The following GRM4 variants were observed in gnomAD, a reference collection of about 807,000 sequenced individuals.
The protein encoded by GRM4 is metabotropic glutamate receptor 4.
GRM4 carries 28 observed loss-of-function variants against 81.7 expected under a neutral mutation model. The ratio of observed to expected loss-of-function variants is 0.34; its 90% CI spans 0.25 to 0.47. The LOEUF (loss-of-function observed/expected upper bound fraction) is 0.47, where lower values mean the gene tolerates loss of function less well. Ranked by LOEUF, GRM4 falls within the 20% of genes least tolerant of loss-of-function variation. The pLI is 1.00. For missense variants in GRM4, 948 were observed against 1,290.0 expected (o/e 0.73, Z 4.06); for synonymous variants, 488 against 528.8 (o/e 0.92, Z 1.06).
In GRM4 at chr6:34,042,823, C is replaced by T. The variant is rs551393241; in HGVS notation, c.1169-2075G>A. Among the ~76,000 whole-genome samples, 2 of 152,288 alleles carry T rather than the reference C, an allele frequency of 1.3e-5. No individual in the cohort carries two copies. Among genetic ancestry groups the T allele is most frequent in the African/African-American group, 4.8e-5 (2 of 41,560 alleles). On this transcript the variant is annotated intron_variant, in intron 6 of 10. Transcript: ENST00000538487. This position sits in a 1 kb window ranked among gnomAD's most constrained non-coding sequence, Gnocchi z 4.2. ...GGGATCTCACTGCCTCTCCCTGAGG[C>T]AGTACCCTCTAATCCCCTCACACCC...
rs115001800 is a variant in GRM4, at chr6:34,121,628, G to A, written c.519+11350C>T. On this transcript the variant is annotated intron_variant, in intron 2 of 10. Coordinates refer to ENST00000538487, the MANE Select transcript of GRM4 (RefSeq NM_000841.4). This position sits in a 1 kb window ranked among gnomAD's most constrained non-coding sequence, Gnocchi z 4.6. ...GGCAGCACCTTCGAGGCAGATCCCC[G>A]CTCAGGGCACCTCTGCTGGGCCAGG... Among the ~76,000 whole-genome samples the A allele has an allele frequency of 2.6e-3, 403 of 152,292 alleles. 4 individuals are homozygous for A. Among genetic ancestry groups the A allele is most frequent in the African/African-American group, 8.8e-3 (367 of 41,548 alleles).
intron 3 of GRM4, among the ~76,000 whole-genome samples, chr6:34,073,794 G>A (rs1487227576): frequency 2.0e-5 from 3 of 152,218 alleles, no homozygotes; most frequent in Admixed American, 6.5e-5. Flanking sequence ...CCTTTCCCAC[G>A]GAGGCCCTGC....
chr6:34,056,685 C>T lies in GRM4; in HGVS notation c.1028-1G>A. The stretch of plus-strand genomic sequence containing the variant: ...CGGCTGGAGAAGTAGCGGTCGAAGC[C>T]TGGCAGGGAACCAGGACGTCAGGGC... On this transcript the variant is annotated splice_acceptor_variant, in intron 5 of 10. Coordinates refer to ENST00000538487, the MANE Select transcript of GRM4 (RefSeq NM_000841.4). LOFTEE classifies it high-confidence loss of function. 6.2e-7 allele frequency: 1 copy of T among 1,612,768 alleles called. No homozygotes were observed. Among genetic ancestry groups the T allele is most frequent in the Non-Finnish European group, 8.5e-7 (1 of 1,179,368 alleles).
At chr6:34,154,702 G>T (rs1010059018) in intron 1 of GRM4, among the ~76,000 whole-genome samples, 5 of 151,974 alleles carry the variant, frequency 3.3e-5, no homozygotes, top group Non-Finnish European at 5.9e-5. Context: ...ACAGACACGT[G>T]GGGGGGAGTC....
chr6:34,025,740 C>T (rs1184190967), intron 10 of GRM4, among the ~76,000 whole-genome samples: 1 of 152,200 alleles, frequency 6.6e-6, no homozygotes, highest in African/African-American at 2.4e-5. Context: ...GGGGGAATCT[C>T]GACACCTGCC....
chr6:34,131,162 A>T (rs1770217823), intron 2 of GRM4, among the ~76,000 whole-genome samples: 1 of 152,332 alleles, frequency 6.6e-6, no homozygotes, highest in African/African-American at 2.4e-5. Flanking sequence ...GGACTGAACC[A>T]GGCTACCATT....
chr6:34,113,385 C>T (rs554060571), intron 2 of GRM4, among the ~76,000 whole-genome samples: 58 of 152,318 alleles, frequency 3.8e-4, no homozygotes, highest in Admixed American at 1.6e-3. Flanking sequence ...CTCCTGGGCT[C>T]AAGTGATTCT....
At chr6:34,030,112 T>C (rs934640646) in intron 9 of GRM4, among the ~76,000 whole-genome samples, 4 of 152,330 alleles carry the variant, frequency 2.6e-5, no homozygotes, top group East Asian at 3.9e-4. Flanking sequence ...AAACTGGGGC[T>C]GGTGGCCAGG....
At chr6:34,079,255 A>C (rs934944305) in intron 3 of GRM4, among the ~76,000 whole-genome samples, 1 of 152,094 alleles carries the variant, frequency 6.6e-6, no homozygotes, top group Non-Finnish European at 1.5e-5. Flanking sequence ...CCTTACTCTC[A>C]GAAGGCAGGC....
At chr6:34,096,270 T>C (rs1227695665) in intron 2 of GRM4, among the ~76,000 whole-genome samples, 1 of 152,122 alleles carries the variant, frequency 6.6e-6, no homozygotes, top group African/African-American at 2.4e-5. Context: ...CCCTTTCTCC[T>C]TCCTCTTTGT....
In GRM4 at chr6:34,080,089, A is replaced by G. The variant is rs1767510559; in HGVS notation, c.736+11794T>C. On this transcript the variant is annotated intron_variant, in intron 3 of 10. Coordinates refer to ENST00000538487, the MANE Select transcript of GRM4 (RefSeq NM_000841.4). This position sits in a 1 kb window ranked among gnomAD's most constrained non-coding sequence, Gnocchi z 5.4. ...GCCCCTGCCTCCTGGTTATTCTCCA[A>G]ATGCCGGGCAGGCACCACCTCAGGG... 6.6e-6 allele frequency among the ~76,000 whole-genome samples: 1 copy of G among 152,044 alleles called. No homozygotes were observed. The highest frequency in any genetic ancestry group is 2.1e-4 in the South Asian group (1 of 4,820).
At chr6:34,123,997 A>C (rs1769918907) in intron 2 of GRM4, among the ~76,000 whole-genome samples, 1 of 152,150 alleles carries the variant, frequency 6.6e-6, no homozygotes, top group Non-Finnish European at 1.5e-5. Flanking sequence ...CCAGGGGAAG[A>C]ATGAGCCTCT....
At chr6:34,037,301 A>G (rs1694870207) in intron 8 of GRM4, among the ~76,000 whole-genome samples, 1 of 152,242 alleles carries the variant, frequency 6.6e-6, no homozygotes, top group African/African-American at 2.4e-5. Flanking sequence ...GACTGTGAGC[A>G]ATAGAGCCAC....
At chr6:34,056,423 CACGTCCTGCCACGGCCGGCCG>C in intron 6 of GRM4, 100 bp downstream of exon 6, 1 of 885,048 alleles carries the variant, frequency 1.1e-6, no homozygotes, top group South Asian at 1.7e-5. Context: ...GGCCCAACTG[CACGTCCTGCCACGGCCGGCCG>C]ACGACAGACA....
chr6:34,059,144 C>A lies in GRM4; in HGVS notation c.873-16G>T, dbSNP rs747555714. On this transcript the variant is annotated splice_polypyrimidine_tract_variant and intron_variant, in intron 4 of 10. Coordinates refer to ENST00000538487, the MANE Select transcript of GRM4 (RefSeq NM_000841.4). This position sits in a 1 kb window ranked among gnomAD's most constrained non-coding sequence, Gnocchi z 5.7. ...CAGCACACGCCTGTAGGAACATACA[C>A]CAGCCCAGCCCAGCCGCGTCTGTCC... The A allele has an allele frequency of 6.2e-7, 1 of 1,611,218 alleles. No homozygotes were observed. Among genetic ancestry groups the A allele is most frequent in the Non-Finnish European group, 8.5e-7 (1 of 1,178,536 alleles).
At chr6:34,086,897 G>A (rs1767919007) in intron 3 of GRM4, among the ~76,000 whole-genome samples, 1 of 152,224 alleles carries the variant, frequency 6.6e-6, no homozygotes, top group South Asian at 2.1e-4. Flanking sequence ...CAAAGTGGGA[G>A]CATCACTTGA....
rs547039131 is a variant in GRM4, at chr6:34,136,987, T to C, written c.-363-3128A>G. On this transcript the variant is annotated intron_variant, in intron 1 of 10. Coordinates refer to ENST00000538487, the MANE Select transcript of GRM4 (RefSeq NM_000841.4). The surrounding 1 kb of genome is among the most constrained non-coding windows in gnomAD (Gnocchi z 4.1). ...GGATGCTCCCTTCCCCCGCAGGGCC[T>C]GCTTCCTTCTGCAGAGGGAAGAGCT... Among the ~76,000 whole-genome samples, 31 of 152,300 alleles carry C rather than the reference T, an allele frequency of 2.0e-4. No homozygotes were observed. Among genetic ancestry groups the C allele is most frequent in the Middle Eastern group, 3.4e-3 (1 of 294 alleles).
rs1050808544 is a variant in GRM4, at chr6:34,036,199, A to G, written c.1911T>C (p.Tyr637=). The G allele has an allele frequency of 4.3e-6, 7 of 1,614,072 alleles. No individual in the cohort carries two copies. The East Asian group carries it at 1.3e-4, about 31-fold the overall frequency. ...YVLLAGIFLC[Y]ATTFLMIAEP... ...CAGCGATCATGAGGAAGGTGGTGGC[A>G]TAGCACAGGAAGATGCCTGCCAGCA... The change falls in exon 9 of 11, where the codon TAT becomes TAC. Residue 637 remains tyrosine, a synonymous_variant. Coordinates refer to ENST00000538487, the MANE Select transcript of GRM4 (RefSeq NM_000841.4). The surrounding 1 kb of genome is among the most constrained non-coding windows in gnomAD (Gnocchi z 9.0).
At chr6:34,093,749 A>C (rs1052635503) in intron 2 of GRM4, among the ~76,000 whole-genome samples, 4 of 152,156 alleles carry the variant, frequency 2.6e-5, no homozygotes, top group Admixed American at 2.0e-4. Flanking sequence ...CCATTGCCAA[A>C]AGCATGGCCC....
Sources: allele counts gnomAD v4.1 joint callset (sites outside exome capture counted in the v4.1 genomes callset), GRCh38; gene constraint gnomAD v4.1.1; non-coding constraint Gnocchi (gnomAD v3.1); transcripts MANE v1.5; gene names NCBI Gene and HGNC (gene_info 2026-07-23, HGNC 2026-07-21).